Variants in CPZ observed in about 807,000 individuals in gnomAD.
The protein encoded by CPZ is carboxypeptidase Z.
CPZ carries 103 observed loss-of-function variants against 61.8 expected under a neutral mutation model. That is an observed-to-expected ratio of 1.67 (90% confidence interval 1.42 to 1.96). The LOEUF (loss-of-function observed/expected upper bound fraction) is 1.96. Ranked by LOEUF, CPZ falls within the 30% of genes most tolerant of loss-of-function variation. The probability of loss-of-function intolerance (pLI) is 0.00; values close to 1 mark genes in which losing one functional copy is unlikely to be tolerated. For synonymous variants in CPZ, 551 were observed against 373.7 expected, an observed-to-expected ratio of 1.47 and a Z score of -5.47; for missense variants, 1,461 against 914.9, an observed-to-expected ratio of 1.60 and a Z score of -7.70.
chr4:8,616,183 C>T (rs565077001), intron 9 of CPZ, among the ~76,000 whole-genome samples: 12 of 152,306 alleles, frequency 7.9e-5, no homozygotes, highest in East Asian at 3.9e-4. Flanking sequence ...GACCTGGGCG[C>T]GGGCTCCTGA....
rs1312115962 is a variant in CPZ at position 8,592,858 on chromosome 4, C to T, written c.25C>T (p.Leu9Phe). The T allele has an allele frequency of 3.3e-6, 5 of 1,515,134 alleles. No individual in the cohort carries two copies. Among genetic ancestry groups the T allele is most frequent in the Non-Finnish European group, 3.5e-6 (4 of 1,136,470 alleles). 93.9% of individuals were successfully genotyped at this position (1,515,134 alleles called of 1,614,324 possible). The change falls in exon 1 of 11, where the codon CTC (leucine) becomes TTC (phenylalanine). Residue 9 changes from leucine (L) to phenylalanine (F), a missense_variant. Transcript: ENST00000360986. ...CATGCCGCCCCCGCTGCCGCTGCTGCTCCTTACAGTCCTGGTCGTCGCCGC... is the reference window on the plus strand; with the variant it reads ...CATGCCGCCCCCGCTGCCGCTGCTGTTCCTTACAGTCCTGGTCGTCGCCGC... MPPPLPLL[L>F]LTVLVVAAAR...
intron 4 of CPZ, among the ~76,000 whole-genome samples, chr4:8,604,649 T>C (rs1449425112): frequency 6.6e-6 from 1 of 152,056 alleles, no homozygotes; most frequent in Non-Finnish European, 1.5e-5. Context: ...ACCAGGCCAA[T>C]TTTTGTATTT....
chr4:8,599,321 C>T (rs535367222), intron 1 of CPZ, 132 bp from the exon 2 acceptor site: 13 of 1,053,236 alleles, frequency 1.2e-5, no homozygotes, highest in South Asian at 1.9e-5. Flanking sequence ...GCTGTGAAGA[C>T]TCCATGAGAT....
chr4:8,610,426 A>G (rs1079475), intron 7 of CPZ, among the ~76,000 whole-genome samples: 126 of 152,208 alleles, frequency 8.3e-4, no homozygotes, highest in Admixed American at 7.4e-3. Flanking sequence ...GGGAGGCCCC[A>G]GGGCAAGGGC....
intron 1 of CPZ, among the ~76,000 whole-genome samples, chr4:8,599,052 T>C (rs55694120): frequency 2.6e-5 from 4 of 152,154 alleles, no homozygotes; most frequent in Non-Finnish European, 5.9e-5. Flanking sequence ...TTCTGAGGAC[T>C]CAGCGGCTTA....
rs1713983289 is a variant in CPZ at position 8,593,940 on chromosome 4, T to C, written c.88+1019T>C. Among the ~76,000 whole-genome samples the C allele has an allele frequency of 2.0e-5, 3 of 152,176 alleles. No homozygotes were observed. The South Asian group carries it at 6.2e-4, about 32-fold the overall frequency. On this transcript the variant is annotated intron_variant, in intron 1 of 10. Transcript: ENST00000360986. ...TGCTGCTGGAGCTTGTGCCGTGTTG[T>C]GGGTGGGCCTCCCCTTGGCCCCTGA...
Position 8,605,582 on chromosome 4 carries a change from T to G in CPZ, c.710-407T>G, listed in dbSNP as rs933300862. Reference sequence around the variant, plus strand: ...ATTGATATATCTATCCATCCAGCCATCCAGCCAGCCATTATTCATCCATCC... The same window carrying G: ...ATTGATATATCTATCCATCCAGCCAGCCAGCCAGCCATTATTCATCCATCC... On this transcript the variant is annotated intron_variant, in intron 4 of 10. Coordinates refer to ENST00000360986, the MANE Select transcript of CPZ (RefSeq NM_001014447.3). Among the ~76,000 whole-genome samples, 12 of 142,898 alleles carry G rather than the reference T, an allele frequency of 8.4e-5. No homozygotes were observed. The South Asian group carries it at 1.1e-3, about 14-fold the overall frequency. 93.7% of individuals were successfully genotyped at this position (142,898 alleles called of 152,430 possible). A position where few individuals can be genotyped will look rare whatever the true frequency, so the allele number is the denominator to read the frequency against.
chr4:8,593,701 G>A (rs553333799), intron 1 of CPZ, among the ~76,000 whole-genome samples: 6 of 152,266 alleles, frequency 3.9e-5, no homozygotes, highest in African/African-American at 1.4e-4. Context: ...GTTCTGAATC[G>A]CTTGTTCTCT....
intron 7 of CPZ, among the ~76,000 whole-genome samples, chr4:8,609,320 TTCAC>T (rs67142680): frequency 0.4 from 60,287 of 150,750 alleles, 12,962 homozygotes; most frequent in Admixed American, 0.55. Context: ...CATGCACTTA[TTCAC>T]TCACTTTTTC....
At chr4:8,601,060 G>A (rs1714535126) in intron 2 of CPZ, 63 bp from the exon 3 acceptor site, 6 of 1,509,666 alleles carry the variant, frequency 4.0e-6, no homozygotes, top group Non-Finnish European at 5.3e-6. Context: ...CTACGTAAAT[G>A]TCTGATGCGT....
In CPZ at chr4:8,606,151, T is replaced by G. The variant is rs780101270; in HGVS notation, c.872T>G (p.Met291Arg). ...ACCCGCATCCACCTGCTGCCCTCCATGAACCCTGACGGCTATGAGGTGGCA... is the reference window on the plus strand; with the variant it reads ...ACCCGCATCCACCTGCTGCCCTCCAGGAACCCTGACGGCTATGAGGTGGCA... ...NTTRIHLLPS[M>R]NPDGYEVAAA... Residue 291 changes from methionine to arginine, a missense_variant, in exon 5 of 11, where the codon ATG (methionine) becomes AGG (arginine). Physicochemically the swap from Met to Arg is moderately conservative, Grantham distance 91 (BLOSUM62 -1). Transcript: ENST00000360986. 5.6e-5 allele frequency: 91 copies of G among 1,613,998 alleles called. No homozygotes were observed. Among genetic ancestry groups the G allele is most frequent in the South Asian group, 2.1e-4 (19 of 91,084 alleles).
chr4:8,617,946 G>A (rs1716328729), intron 9 of CPZ: 1 of 166,252 alleles, frequency 6.0e-6, no homozygotes, highest in African/African-American at 2.4e-5. Flanking sequence ...GCAGTAAGAA[G>A]GCAGGGCGTG....
At chr4:8,603,885 A>G in intron 3 of CPZ, 91 bp from the exon 4 acceptor site, 2 of 1,083,048 alleles carry the variant, frequency 1.8e-6, no homozygotes, top group East Asian at 4.9e-5. Context: ...TGCAGAGGGG[A>G]CTAAGGGTGC....
Position 8,607,368 on chromosome 4 carries a change from C to A in CPZ, c.1170C>A (p.Phe390Leu). ...HGGDLVVSYP[F>L]DFSKHPQEEK... ...GCGACCTGGTGGTGTCCTACCCCTT[C>A]GACTTCTCCAAGCACCCCCAGGAGG... Residue 390 changes from phenylalanine (F) to leucine (L), a missense_variant, in exon 7 of 11, where the codon TTC becomes TTA. By Grantham distance (22) the Phe-to-Leu change is conservative. Transcript: ENST00000360986. The A allele has an allele frequency of 6.2e-7, 1 of 1,614,112 alleles. No individual in the cohort carries two copies. The highest frequency in any genetic ancestry group is 1.1e-5 in the South Asian group (1 of 91,086).
At chr4:8,607,675 G>T (rs558220256) in intron 7 of CPZ, among the ~76,000 whole-genome samples, 4 of 152,176 alleles carry the variant, frequency 2.6e-5, no homozygotes, top group African/African-American at 9.7e-5. Flanking sequence ...ACATGTCCCC[G>T]TCTGGGAGCT....
Position 8,606,197 on chromosome 4 carries a change from G to T in CPZ, c.906+12G>T. The T allele has an allele frequency of 6.2e-7, 1 of 1,609,488 alleles. No homozygotes were observed. Among genetic ancestry groups the T allele is most frequent in the Non-Finnish European group, 8.5e-7 (1 of 1,177,352 alleles). ...TGGCAGCTGCCGAGGTGAGCGCCCA[G>T]ATGCCTGGATCCTGTGGGCCACCGC... On this transcript the variant is annotated intron_variant, in intron 5 of 10. Transcript: ENST00000360986.
At chr4:8,601,602 C>A in intron 3 of CPZ, 105 bp downstream of exon 3, 4 of 1,224,720 alleles carry the variant, frequency 3.3e-6, no homozygotes, top group Non-Finnish European at 4.4e-6. Context: ...TCGACAGTGA[C>A]GGTGCAGGCA....
chr4:8,616,146 G>A (rs1716138743), intron 9 of CPZ, among the ~76,000 whole-genome samples: 1 of 152,236 alleles, frequency 6.6e-6, no homozygotes, highest in Non-Finnish European at 1.5e-5. Flanking sequence ...CTCGCTGGCT[G>A]GCTCTTGAGA....
chr4:8,603,161 G>C (rs1714698770), intron 3 of CPZ: 2 of 152,262 alleles, frequency 1.3e-5, no homozygotes. Flanking sequence ...AAGCTTAGAG[G>C]AGCACATTAA....
Sources: gnomAD v4.1 joint callset for allele counts (sites outside exome capture counted in the v4.1 genomes callset) on GRCh38, gnomAD v4.1.1 for gene constraint, MANE v1.5 for transcripts, NCBI Gene and HGNC (gene_info 2026-07-23, HGNC 2026-07-21) for gene names.